The following AKAP13 variants were observed in gnomAD, a reference collection of about 807,000 sequenced individuals.
The protein encoded by AKAP13 is A-kinase anchor protein 13.
AKAP13 carries 80 observed loss-of-function variants against 264.5 expected under a neutral mutation model. The observed-to-expected ratio is 0.30, with a 90% confidence interval of 0.25 to 0.36. The LOEUF (loss-of-function observed/expected upper bound fraction) is 0.36. Ranked by LOEUF, AKAP13 falls within the 10% of genes least tolerant of loss-of-function variation. The pLI, the probability that AKAP13 is intolerant of heterozygous loss-of-function variation, is 1.00. For missense variants in AKAP13, 3,712 were observed against 3,435.2 expected, an observed-to-expected ratio of 1.08 and a Z score of -2.01; for synonymous variants, 1,380 against 1,250.2, an observed-to-expected ratio of 1.10 and a Z score of -2.19.
chr15:85,441,461 A>G (rs763769611), intron 1 of AKAP13, among the ~76,000 whole-genome samples: 1 of 151,866 alleles, frequency 6.6e-6, no homozygotes, highest in African/African-American at 2.4e-5. Flanking sequence ...CTTGTCTTTT[A>G]ATTTTCTTGA....
At chr15:85,468,790 C>T (rs1374676586) in intron 1 of AKAP13, among the ~76,000 whole-genome samples, 2 of 151,924 alleles carry the variant, frequency 1.3e-5, no homozygotes, top group Non-Finnish European at 2.9e-5. Flanking sequence ...CTTCATGCTT[C>T]ACAAATACTT....
intron 2 of AKAP13, among the ~76,000 whole-genome samples, chr15:85,497,692 G>A (rs2075910809): frequency 6.6e-6 from 1 of 152,194 alleles, no homozygotes; most frequent in African/African-American, 2.4e-5. Context: ...TCATCAAATA[G>A]TGCTCAGTTG....
intron 1 of AKAP13, among the ~76,000 whole-genome samples, chr15:85,477,930 C>A (rs2075226239): frequency 6.6e-6 from 1 of 152,142 alleles, no homozygotes; most frequent in Non-Finnish European, 1.5e-5. Flanking sequence ...TAGTTCTCAG[C>A]TACTCACTGT....
chr15:85,611,152 G>A (rs768909503), intron 8 of AKAP13, among the ~76,000 whole-genome samples: 5 of 152,196 alleles, frequency 3.3e-5, no homozygotes, highest in African/African-American at 7.2e-5. Context: ...ACAGCATTTC[G>A]CACTGTTTAC....
intron 1 of AKAP13, among the ~76,000 whole-genome samples, chr15:85,399,523 T>TAAAAAAA (rs1367253621): frequency 9.0e-5 from 7 of 78,030 alleles, no homozygotes; most frequent in Non-Finnish European, 1.1e-4. Flanking sequence ...AAAAAAAAAA[T>TAAAAAAA]AAAAAAATAA....
chr15:85,565,768 G>A (rs542677615), intron 5 of AKAP13, among the ~76,000 whole-genome samples: 2 of 152,352 alleles, frequency 1.3e-5, no homozygotes, highest in African/African-American at 2.4e-5. Flanking sequence ...TGGACAGAGA[G>A]AGAGCAGGGC....
intron 1 of AKAP13, among the ~76,000 whole-genome samples, chr15:85,435,603 C>CT (rs1189930179): frequency 2.3e-5 from 1 of 43,910 alleles, no homozygotes; most frequent in African/African-American, 8.7e-5. Context: ...GCCCATCAGA[C>CT]TAACAGCGGA....
chr15:85,667,681 C>G (rs1352851948), intron 13 of AKAP13, among the ~76,000 whole-genome samples: 4 of 152,186 alleles, frequency 2.6e-5, no homozygotes, highest in Non-Finnish European at 5.9e-5. Flanking sequence ...AAATGACTTG[C>G]CTAAGGCCGT....
chr15:85,653,523 AG>A (rs1178021235), intron 10 of AKAP13, among the ~76,000 whole-genome samples: 34 of 152,224 alleles, frequency 2.2e-4, no homozygotes, highest in African/African-American at 8.0e-4. Flanking sequence ...CAAGCCCAAA[AG>A]GTAGGAAGGG....
rs530151493 is a variant in AKAP13, at chr15:85,381,307, A to G, written c.-12+509A>G. On this transcript the variant is annotated intron_variant, in intron 1 of 36. Transcript: ENST00000394518. ...GCTCCCCGGGGTCGACGCGGACGGT[A>G]AACACGTCGGGCCGCGCCTGCCTGT... is the stretch of plus-strand genomic sequence containing the variant. Among the ~76,000 whole-genome samples, 60 of 151,674 alleles carry G rather than the reference A, an allele frequency of 4.0e-4. 1 individual carries two copies. In the South Asian group the frequency reaches 6.6e-3, roughly 17 times the overall value.
At chr15:85,654,681 C>G (rs1204954788) in intron 10 of AKAP13, among the ~76,000 whole-genome samples, 7 of 151,934 alleles carry the variant, frequency 4.6e-5, no homozygotes, top group Non-Finnish European at 8.8e-5. Context: ...AAAATTAGCT[C>G]AGCATGCTGG....
chr15:85,529,415 C>T (rs2077180961), intron 3 of AKAP13, among the ~76,000 whole-genome samples: 2 of 151,958 alleles, frequency 1.3e-5, no homozygotes, highest in Admixed American at 6.6e-5. Flanking sequence ...AGCGAGACTC[C>T]GTCTCAAAAT....
In AKAP13 at chr15:85,579,437, G is replaced by A. The variant is rs199677554; in HGVS notation, c.1369G>A (p.Ala457Thr). The A allele has an allele frequency of 1.1e-5, 17 of 1,614,200 alleles. No homozygotes were observed. In the East Asian group the frequency reaches 3.8e-4, roughly 36 times the overall value. The change falls in exon 7 of 37, where the codon GCC becomes ACC. Residue 457 changes from alanine (A) to threonine (T), a missense_variant. Ala to Thr is a moderately conservative substitution (Grantham distance 58). This residue lies in a region of AKAP13 where 2,759 missense variants were observed against 2,411.7 expected (regional missense o/e 1.14). Transcript: ENST00000394518. ...AGACTTGGTCATGGAGCCAGGCACA[G>A]CCCAGTATTCCTCTGGAGGTGAACT... The part of the protein sequence containing the change: ...QRDLVMEPGT[A>T]QYSSGGELGG...
At chr15:85,388,225 A>C (rs564123305) in intron 1 of AKAP13, among the ~76,000 whole-genome samples, 1 of 151,044 alleles carries the variant, frequency 6.6e-6, no homozygotes, top group Non-Finnish European at 1.5e-5. Context: ...TTTTTTTTTA[A>C]GTGGAGACTG....
intron 33 of AKAP13, among the ~76,000 whole-genome samples, chr15:85,738,824 G>C (rs998158985): frequency 3.1e-5 from 4 of 128,898 alleles, no homozygotes; most frequent in Non-Finnish European, 6.2e-5. Context: ...CGGCCTGGGC[G>C]ACAGAGCGAG....
At chr15:85,706,664 G>A (rs2086281841) in intron 17 of AKAP13, among the ~76,000 whole-genome samples, 1 of 152,304 alleles carries the variant, frequency 6.6e-6, no homozygotes, top group East Asian at 1.9e-4. Flanking sequence ...GTTTAAATAG[G>A]CATAGTAGGG....
At chr15:85,567,987 T>C (rs966480875) in intron 5 of AKAP13, among the ~76,000 whole-genome samples, 1 of 151,254 alleles carries the variant, frequency 6.6e-6, no homozygotes, top group African/African-American at 2.4e-5. Flanking sequence ...TGTGTATTTT[T>C]TAAAGCCAGT....
intron 1 of AKAP13, among the ~76,000 whole-genome samples, chr15:85,479,325 A>G (rs1174451422): frequency 6.6e-6 from 1 of 152,196 alleles, no homozygotes; most frequent in African/African-American, 2.4e-5. Flanking sequence ...AGAGCTGAAC[A>G]TTGACTCTTT....
intron 36 of AKAP13, chr15:85,744,091 C>G (rs938803017): frequency 4.3e-6 from 2 of 464,690 alleles, no homozygotes; most frequent in Non-Finnish European, 7.6e-6. Flanking sequence ...GAGCTCACCC[C>G]TCAATGAAGT....
Sources: allele counts gnomAD v4.1 joint callset (sites outside exome capture counted in the v4.1 genomes callset), GRCh38; gene constraint gnomAD v4.1.1; regional missense constraint gnomAD v4.1.1; transcripts MANE v1.5; gene names NCBI Gene and HGNC (gene_info 2026-07-23, HGNC 2026-07-21).